The following GRIN3A variants were observed in gnomAD, a reference collection of about 807,000 sequenced individuals.
The protein encoded by GRIN3A is glutamate ionotropic receptor NMDA type subunit 3A, also known as glutamate receptor ionotropic, NMDA 3A.
In GRIN3A, 47 loss-of-function variants were observed where a neutral mutation model predicts 92.4. The ratio of observed to expected loss-of-function variants is 0.51; its 90% confidence interval spans 0.40 to 0.65. The LOEUF is 0.65. GRIN3A is among the 30% of genes least tolerant of loss of function. The pLI is 0.00. For missense variants in GRIN3A, 1,324 were observed against 1,393.1 expected (o/e 0.95, Z 0.79); for synonymous variants, 527 against 540.6 (o/e 0.97, Z 0.35).
intron 1 of GRIN3A, among the ~76,000 whole-genome samples, chr9:101,722,518 G>A (rs1242357869): frequency 6.6e-5 from 10 of 152,172 alleles, no homozygotes; most frequent in African/African-American, 1.7e-4. Flanking sequence ...TGGAAAAGCC[G>A]CAAACACTCA....
intron 6 of GRIN3A, among the ~76,000 whole-genome samples, chr9:101,590,615 C>T (rs949402472): frequency 2.0e-5 from 3 of 151,896 alleles, no homozygotes; most frequent in African/African-American, 7.3e-5. Context: ...CTCCTGACCT[C>T]GTGATCTGCC....
chr9:101,701,177 C>A (rs1014992430), intron 1 of GRIN3A, among the ~76,000 whole-genome samples: 7 of 151,938 alleles, frequency 4.6e-5, no homozygotes, highest in Non-Finnish European at 8.8e-5. Flanking sequence ...TGAGGTGGGC[C>A]CAGAATTAGT....
intron 6 of GRIN3A, chr9:101,592,241 T>C (rs550549088): frequency 1.3e-5 from 2 of 152,350 alleles, no homozygotes; most frequent in South Asian, 2.1e-4. Flanking sequence ...TGTACACTAA[T>C]GTCCAGTTAA....
intron 6 of GRIN3A, among the ~76,000 whole-genome samples, chr9:101,588,670 T>C (rs995080360): frequency 6.6e-6 from 1 of 152,166 alleles, no homozygotes; most frequent in Non-Finnish European, 1.5e-5. Flanking sequence ...AATGCTCCAT[T>C]TTCTCTTCTG....
At chr9:101,706,601 A>C (rs1181804233) in intron 1 of GRIN3A, among the ~76,000 whole-genome samples, 2 of 152,238 alleles carry the variant, frequency 1.3e-5, no homozygotes, top group Non-Finnish European at 2.9e-5. Context: ...GACACATAGT[A>C]AACCATTTCA....
intron 1 of GRIN3A, among the ~76,000 whole-genome samples, chr9:101,712,672 C>G (rs1176854914): frequency 6.6e-6 from 1 of 152,166 alleles, no homozygotes; most frequent in Non-Finnish European, 1.5e-5. Flanking sequence ...TGAAAGCTCA[C>G]CACTCTAAAA....
intron 1 of GRIN3A, among the ~76,000 whole-genome samples, chr9:101,724,026 C>T (rs112707966): frequency 5.4e-4 from 83 of 152,352 alleles, no homozygotes; most frequent in African/African-American, 2.0e-3. Flanking sequence ...ACGTCCCCAC[C>T]AGACTCAGGA....
chr9:101,589,659 A>C (rs971013449), intron 6 of GRIN3A, among the ~76,000 whole-genome samples: 1 of 152,028 alleles, frequency 6.6e-6, no homozygotes, highest in African/African-American at 2.4e-5. Flanking sequence ...CTAACATGTT[A>C]TGTTTCTCCC....
chr9:101,731,966 G>T (rs1830144037), intron 1 of GRIN3A, among the ~76,000 whole-genome samples: 1 of 152,150 alleles, frequency 6.6e-6, no homozygotes, highest in South Asian at 2.1e-4. Context: ...TTCTTGCCTA[G>T]TTTTATGGAT....
rs766986373 is a variant in GRIN3A, at chr9:101,628,338, CATA to C, written c.2413_2415del (p.Tyr805del). On this transcript the variant is annotated inframe_deletion, in exon 4 of 9. Transcript: ENST00000361820. ...TGCATCTCTGGGAAACTTTGTCTCACATAATCTTCAGCACTGCTTTCTCGGACA... is the reference window on the plus strand; with the variant it reads ...TGCATCTCTGGGAAACTTTGTCTCACATCTTCAGCACTGCTTTCTCGGACA... 3.1e-6 allele frequency: 5 copies of C among 1,613,958 alleles called. No individual in the cohort carries two copies. Among genetic ancestry groups the C allele is most frequent in the Non-Finnish European group, 4.2e-6 (5 of 1,179,900 alleles).
chr9:101,636,067 G>C (rs775750458), intron 3 of GRIN3A, among the ~76,000 whole-genome samples: 2 of 152,120 alleles, frequency 1.3e-5, no homozygotes, highest in Non-Finnish European at 2.9e-5. Flanking sequence ...GTTTTTAGAA[G>C]AGAAGAGGTT....
chr9:101,605,170 A>G (rs1328059576), intron 6 of GRIN3A, among the ~76,000 whole-genome samples: 2 of 152,200 alleles, frequency 1.3e-5, no homozygotes, highest in Admixed American at 1.3e-4. Context: ...GCCATGGTAC[A>G]TGGTCCTTTA....
intron 1 of GRIN3A, among the ~76,000 whole-genome samples, chr9:101,691,782 C>T (rs1390326264): frequency 1.3e-5 from 2 of 152,148 alleles, no homozygotes; most frequent in South Asian, 2.1e-4. Context: ...CTTTTCTGTC[C>T]TCTTTTGAGA....
intron 3 of GRIN3A, among the ~76,000 whole-genome samples, chr9:101,647,141 C>T (rs1008290293): frequency 2.6e-5 from 4 of 151,740 alleles, no homozygotes; most frequent in South Asian, 2.1e-4. Flanking sequence ...CTGTCATATA[C>T]GGCTTTTGTT....
In GRIN3A at chr9:101,572,164, G is replaced by C. The variant is rs186057814; in HGVS notation, c.*1010C>G. 1 of 152,652 alleles carries C rather than the reference G, an allele frequency of 6.6e-6. No individual in the cohort carries two copies. The highest frequency in any genetic ancestry group is 6.5e-5 in the Admixed American group (1 of 15,268). The allele number at this position is 152,652 out of a possible 1,614,324, so 9.5% of individuals were successfully genotyped here. On this transcript the variant is annotated 3_prime_UTR_variant, in exon 9 of 9. Transcript: ENST00000361820. ...AATGGTCGAAGCTTATAGTGTTCCC[G>C]GGCTGGAGGTTTTGGGATTTCTATG...
chr9:101,590,281 C>G (rs1433486872), intron 6 of GRIN3A, among the ~76,000 whole-genome samples: 1 of 152,110 alleles, frequency 6.6e-6, no homozygotes, highest in Non-Finnish European at 1.5e-5. Flanking sequence ...GTAGTTGACA[C>G]GGCAGCAGAG....
At chr9:101,685,349 G>T (rs1342248005) in intron 2 of GRIN3A, among the ~76,000 whole-genome samples, 4 of 104,368 alleles carry the variant, frequency 3.8e-5, no homozygotes, top group African/African-American at 3.6e-5. Flanking sequence ...TCGCTGTGTT[G>T]CCCATTATCA....
intron 5 of GRIN3A, among the ~76,000 whole-genome samples, chr9:101,618,109 A>T (rs1396596237): frequency 6.6e-6 from 1 of 151,928 alleles, no homozygotes; most frequent in Admixed American, 6.6e-5. Flanking sequence ...AGGCAATACC[A>T]TTCAGGACAT....
chr9:101,578,252 A>G (rs117371298), intron 7 of GRIN3A, among the ~76,000 whole-genome samples: 3 of 152,318 alleles, frequency 2.0e-5, no homozygotes, highest in East Asian at 3.9e-4. Context: ...TTAGCATACA[A>G]TAAGGAAGAT....
Sources: allele counts gnomAD v4.1 joint callset (sites outside exome capture counted in the v4.1 genomes callset), GRCh38; gene constraint gnomAD v4.1.1; transcripts MANE v1.5; gene names NCBI Gene and HGNC (gene_info 2026-07-23, HGNC 2026-07-21).